Variants in TET2 observed in about 807,000 individuals in gnomAD.
TET2 encodes methylcytosine dioxygenase TET2.
TET2 carries 299 observed loss-of-function variants against 142.9 expected under a neutral mutation model. The observed-to-expected ratio is 2.09, with a 90% CI of 1.90 to 2.30. The LOEUF (loss-of-function observed/expected upper bound fraction) is 2.30. Ranked by LOEUF, TET2 falls within the 30% of genes most tolerant of loss-of-function variation. The pLI is 0.00. For synonymous variants in TET2, 819 were observed against 849.0 expected, an observed-to-expected ratio of 0.96 and a Z score of 0.61; for missense variants, 2,418 against 2,378.0, an observed-to-expected ratio of 1.02 and a Z score of -0.35.
intron 2 of TET2, among the ~76,000 whole-genome samples, chr4:105,212,530 A>G (rs1468387901): frequency 1.3e-5 from 2 of 152,180 alleles, no homozygotes; most frequent in Non-Finnish European, 2.9e-5. Flanking sequence ...AAACTAGAGT[A>G]AAATCATTTA....
intron 6 of TET2, among the ~76,000 whole-genome samples, chr4:105,252,195 C>A (rs904770899): frequency 1.3e-5 from 2 of 152,130 alleles, no homozygotes; most frequent in Non-Finnish European, 2.9e-5. Flanking sequence ...TCTCTCCTAC[C>A]CCACTAACCC....
chr4:105,216,843 G>A (rs1233028374), intron 2 of TET2, among the ~76,000 whole-genome samples: 1 of 152,000 alleles, frequency 6.6e-6, no homozygotes, highest in African/African-American at 2.4e-5. Flanking sequence ...CAAACTGTTG[G>A]TCACATCAAT....
chr4:105,230,599 C>A (rs1728451928), intron 2 of TET2, among the ~76,000 whole-genome samples: 1 of 152,142 alleles, frequency 6.6e-6, no homozygotes, highest in African/African-American at 2.4e-5. Flanking sequence ...TAGTAGATAT[C>A]TTCTTAAATA....
chr4:105,176,549 A>C (rs1724806975), intron 1 of TET2, among the ~76,000 whole-genome samples: 1 of 152,216 alleles, frequency 6.6e-6, no homozygotes, highest in African/African-American at 2.4e-5. Context: ...TTAGCACCCC[A>C]AGAAATGAAA....
In TET2 at chr4:105,276,160, AC is replaced by A. The variant is rs1731212655; in HGVS notation, c.5654del (p.Pro1885LeufsTer2). 6.4e-7 allele frequency: 1 copy of A among 1,551,390 alleles called. No individual in the cohort carries two copies. Among genetic ancestry groups the A allele is most frequent in the Non-Finnish European group, 8.7e-7 (1 of 1,146,910 alleles). ...TGCAAAGCGTGAGCTGCATGCCACAACCCCTTTAAAGAATCCCAATAGGAAT... is the reference window on the plus strand; with the variant it reads ...TGCAAAGCGTGAGCTGCATGCCACAACCCTTTAAAGAATCCCAATAGGAAT... ...ECAKRELHAT[T>X]PLKNPNRNHP... On this transcript the variant is annotated frameshift_variant, in exon 11 of 11. Transcript: ENST00000380013. LOFTEE classifies it high-confidence loss of function.
intron 2 of TET2, among the ~76,000 whole-genome samples, chr4:105,230,624 A>G (rs75555015): frequency 0.039 from 5,917 of 152,284 alleles, 406 homozygotes; most frequent in African/African-American, 0.13. Flanking sequence ...AGAGCCATTC[A>G]CATTTCATTT....
At chr4:105,237,752 A>T (rs927428465) in intron 3 of TET2, 1 of 1,171,112 alleles carries the variant, frequency 8.5e-7, no homozygotes, top group Non-Finnish European at 1.1e-6. Context: ...TACGAACTTT[A>T]AATATTTTTT....
chr4:105,275,569 CAG>C lies in TET2; in HGVS notation c.5062_5063del (p.Ser1688PhefsTer4). ...TLYQPRFGNS[Q>X]SFTSKYLGYG... ...TTACCAGCCAAGGTTTGGAAATAGCCAGAGTTTTACATCTAAATACTTAGGTT... is the reference window on the plus strand; with the variant it reads ...TTACCAGCCAAGGTTTGGAAATAGCCAGTTTTACATCTAAATACTTAGGTT... On this transcript the variant is annotated frameshift_variant, in exon 11 of 11. Transcript: ENST00000380013. LOFTEE classifies it low-confidence loss of function (END_TRUNC). 4 of 1,551,662 alleles carry C rather than the reference CAG, an allele frequency of 2.6e-6. No individual in the cohort carries two copies. The highest frequency in any genetic ancestry group is 3.5e-6 in the Non-Finnish European group (4 of 1,146,962).
At chr4:105,147,594 C>G (rs1304236399) in intron 1 of TET2, 1 of 151,846 alleles carries the variant, frequency 6.6e-6, no homozygotes, top group African/African-American at 2.4e-5. Context: ...TCCTTAAGTC[C>G]GCGCGTTTTG....
intron 2 of TET2, among the ~76,000 whole-genome samples, chr4:105,222,139 A>C (rs1225424583): frequency 6.6e-6 from 1 of 151,962 alleles, no homozygotes; most frequent in Non-Finnish European, 1.5e-5. Context: ...GTTGGTTCCA[A>C]GTCTTTGCTA....
At chr4:105,273,148 G>C (rs936577832) in intron 10 of TET2, among the ~76,000 whole-genome samples, 4 of 152,152 alleles carry the variant, frequency 2.6e-5, no homozygotes, top group African/African-American at 9.7e-5. Context: ...ATAGGCGCCA[G>C]TGTGTGTTGT....
chr4:105,223,539 AT>A (rs1727985945), intron 2 of TET2, among the ~76,000 whole-genome samples: 1 of 152,192 alleles, frequency 6.6e-6, no homozygotes, highest in Admixed American at 6.6e-5. Context: ...GAAGATAAGA[AT>A]TTAAACTAAC....
At chr4:105,185,427 T>G (rs1300338522) in intron 1 of TET2, among the ~76,000 whole-genome samples, 1 of 152,208 alleles carries the variant, frequency 6.6e-6, no homozygotes, top group Non-Finnish European at 1.5e-5. Context: ...CTATTTTTAT[T>G]GTCTTTTTTT....
Position 105,229,296 on chromosome 4 carries a change from C to A in TET2, c.-46-4601C>A, listed in dbSNP as rs140131937. 5.9e-3 allele frequency among the ~76,000 whole-genome samples: 901 copies of A among 152,232 alleles called. 4 individuals are homozygous for A. The highest frequency in any genetic ancestry group is 0.037 in the Middle Eastern group (11 of 294). On this transcript the variant is annotated intron_variant, in intron 2 of 10. Coordinates refer to ENST00000380013, the MANE Select transcript of TET2 (RefSeq NM_001127208.3). Reference sequence around the variant, plus strand: ...AGAAATAAAAACATCACTTTGTTTTCTTTGTCCAATATGAGTTATAACTTT... The same window carrying A: ...AGAAATAAAAACATCACTTTGTTTTATTTGTCCAATATGAGTTATAACTTT...
At chr4:105,208,683 G>A (rs1255917298) in intron 2 of TET2, among the ~76,000 whole-genome samples, 1 of 152,104 alleles carries the variant, frequency 6.6e-6, no homozygotes, top group Non-Finnish European at 1.5e-5. Context: ...TAAAATAGGA[G>A]TGGATAAAGG....
chr4:105,233,248 G>A (rs1274313851), intron 2 of TET2, among the ~76,000 whole-genome samples: 4 of 151,934 alleles, frequency 2.6e-5, no homozygotes, highest in Admixed American at 2.6e-4. Flanking sequence ...GCTAGGCATG[G>A]TAGCAGGCAC....
At chr4:105,151,472 TTAGATA>T (rs1723296606) in intron 1 of TET2, among the ~76,000 whole-genome samples, 1 of 150,166 alleles carries the variant, frequency 6.7e-6, no homozygotes, top group African/African-American at 2.4e-5. Flanking sequence ...ATAATATATA[TTAGATA>T]TAGATAATAT....
chr4:105,192,744 A>C lies in TET2; in HGVS notation c.-47+2239A>C, dbSNP rs141447440. Reference sequence around the variant, plus strand: ...GAATCCATTAGAGTAAGAGACAGACACATACAAAATAAAATGTATAATATA... The same window carrying C: ...GAATCCATTAGAGTAAGAGACAGACCCATACAAAATAAAATGTATAATATA... On this transcript the variant is annotated intron_variant, in intron 2 of 10. Coordinates refer to ENST00000380013, the MANE Select transcript of TET2 (RefSeq NM_001127208.3). Among the ~76,000 whole-genome samples the C allele has an allele frequency of 2.3e-4, 35 of 152,312 alleles. No homozygotes were observed. In the East Asian group the frequency reaches 6.6e-3, roughly 29 times the overall value.
chr4:105,156,484 C>T (rs187372287), intron 1 of TET2, among the ~76,000 whole-genome samples: 3 of 152,274 alleles, frequency 2.0e-5, no homozygotes, highest in African/African-American at 4.8e-5. Context: ...TTACAGTTGT[C>T]GTGCCTCATT....
Sources: allele counts gnomAD v4.1 joint callset (sites outside exome capture counted in the v4.1 genomes callset), GRCh38; gene constraint gnomAD v4.1.1; transcripts MANE v1.5; gene names NCBI Gene and HGNC (gene_info 2026-07-23, HGNC 2026-07-21).